Variants in CNDP2 observed in about 807,000 individuals in gnomAD.
CNDP2 encodes cytosolic non-specific dipeptidase.
Under a neutral mutation model 55.0 loss-of-function variants are expected in CNDP2, and 38 were observed. The observed-to-expected ratio is 0.69, with a 90% CI of 0.53 to 0.90. CNDP2 has a LOEUF of 0.90. CNDP2 is among the 40% of genes least tolerant of loss of function. The pLI is 0.00. For missense variants in CNDP2, 607 were observed against 621.7 expected (o/e 0.98, Z 0.25); for synonymous variants, 241 against 260.2 (o/e 0.93, Z 0.71).
chr18:74,510,915 G>T lies in CNDP2; in HGVS notation c.559G>T (p.Asp187Tyr), dbSNP rs376953227. 6.8e-6 allele frequency: 11 copies of T among 1,613,846 alleles called. No homozygotes were observed. Among genetic ancestry groups the T allele is most frequent in the Non-Finnish European group, 9.3e-6 (11 of 1,179,814 alleles). The change falls in exon 6 of 12, where the codon GAT (aspartate) becomes TAT (tyrosine). Residue 187 changes from aspartate (D) to tyrosine (Y), a missense_variant. Asp to Tyr is a radical substitution (Grantham distance 160). Coordinates refer to ENST00000324262, the MANE Select transcript of CNDP2 (RefSeq NM_018235.3). ...IFARKDTFFKDVDYVCISDNY... is the reference protein window; with the variant it reads ...IFARKDTFFKYVDYVCISDNY... ...TGCCCGGAAAGACACATTCTTTAAG[G>T]ATGTGGACTATGTCTGCATTTCTGA...
Position 74,518,779 on chromosome 18 carries a change from C to T in CNDP2, c.1210+139C>T, listed in dbSNP as rs1054682417. 6 of 1,424,626 alleles carry T rather than the reference C, an allele frequency of 4.2e-6. No homozygotes were observed. In the Admixed American group the frequency reaches 8.9e-5, roughly 21 times the overall value. The allele number at this position is 1,424,626 out of a possible 1,614,324, so 88.2% of individuals were successfully genotyped here. On this transcript the variant is annotated intron_variant, in intron 10 of 11. Coordinates refer to ENST00000324262, the MANE Select transcript of CNDP2 (RefSeq NM_018235.3). ...GCGTGTAGTTAAGTCAGCATGAGGA[C>T]AGCTAGTGTGTGGGATGAGCCTGGA... is the stretch of plus-strand genomic sequence containing the variant.
At chr18:74,501,511 A>G in intron 3 of CNDP2, 39 bp downstream of exon 3, 3 of 1,573,032 alleles carry the variant, frequency 1.9e-6, no homozygotes, top group South Asian at 2.3e-5. Context: ...GACCGTAGAC[A>G]GATTCTGCCT....
chr18:74,514,117 T>C (rs1599069498), intron 8 of CNDP2, among the ~76,000 whole-genome samples: 1 of 152,206 alleles, frequency 6.6e-6, no homozygotes, highest in African/African-American at 2.4e-5. Context: ...TCATGACTTT[T>C]CTCTTAATAG....
At chr18:74,505,270 T>C (rs1472519387) in intron 3 of CNDP2, 1 of 152,214 alleles carries the variant, frequency 6.6e-6, no homozygotes, top group Non-Finnish European at 1.5e-5. Context: ...CGTGTTTTGT[T>C]ATATAAAAGT....
At position 74,500,461 on chromosome 18, in the gene CNDP2, G is replaced by A. The variant is rs79879657; in HGVS notation, c.60+428G>A. ...CTAAAATTATACTTTAGAAAATTTG[G>A]CCATTGTCGGGATGATAAATAAGCT... On this transcript the variant is annotated intron_variant, in intron 2 of 11. Coordinates refer to ENST00000324262, the MANE Select transcript of CNDP2 (RefSeq NM_018235.3). Among the ~76,000 whole-genome samples, 402 of 152,280 alleles carry A rather than the reference G, an allele frequency of 2.6e-3. 1 individual carries two copies. Among genetic ancestry groups the A allele is most frequent in the African/African-American group, 8.6e-3 (359 of 41,558 alleles).
rs1351609137 is a variant in CNDP2 at position 74,516,147 on chromosome 18, C to A, written c.904-81C>A. 6 of 1,453,646 alleles carry A rather than the reference C, an allele frequency of 4.1e-6. No individual in the cohort carries two copies. In the African/African-American group the frequency reaches 8.5e-5, roughly 21 times the overall value. 90.0% of individuals were successfully genotyped at this position (1,453,646 alleles called of 1,614,324 possible). A position where few individuals can be genotyped will look rare whatever the true frequency, so the allele number is the denominator to read the frequency against. ...TGTTTCATACCGCTCATTTCCCAGA[C>A]AACATTCCCAGCTCCTCGGTGAGCA... On this transcript the variant is annotated intron_variant, in intron 8 of 11. Coordinates refer to ENST00000324262, the MANE Select transcript of CNDP2 (RefSeq NM_018235.3).
In CNDP2 at chr18:74,518,316, AG is replaced by A. The variant is rs1313780162; in HGVS notation, c.1069-182del. ...TCCTCTTTCCTTACTCTAGTTATGTAGCTCAGTATTAAGCAACAGAAAATGA... is the reference window on the plus strand; with the variant it reads ...TCCTCTTTCCTTACTCTAGTTATGTACTCAGTATTAAGCAACAGAAAATGA... On this transcript the variant is annotated intron_variant, in intron 9 of 11. Coordinates refer to ENST00000324262, the MANE Select transcript of CNDP2 (RefSeq NM_018235.3). The A allele has an allele frequency of 5.3e-6, 3 of 562,278 alleles. No individual in the cohort carries two copies. In the African/African-American group the frequency reaches 5.6e-5, roughly 11 times the overall value. The allele number at this position is 562,278 out of a possible 1,614,324, so 34.8% of individuals were successfully genotyped here. A position where few individuals can be genotyped will look rare whatever the true frequency, so the allele number is the denominator to read the frequency against.
intron 7 of CNDP2, among the ~76,000 whole-genome samples, chr18:74,513,015 C>T (rs1045121906): frequency 2.0e-5 from 3 of 152,238 alleles, no homozygotes; most frequent in Admixed American, 6.5e-5. Context: ...CCTCCCTTCC[C>T]GCACCTTCCA....
rs763278033 is a variant in CNDP2 at position 74,508,942 on chromosome 18, G to T, written c.456+14G>T. ...AAAACAGGCCAGGTATGCCCCCCAC[G>T]CTGACTTCTGCCTGAGTCCTGGGTT... On this transcript the variant is annotated intron_variant, in intron 5 of 11. Coordinates refer to ENST00000324262, the MANE Select transcript of CNDP2 (RefSeq NM_018235.3). 6.2e-7 allele frequency: 1 copy of T among 1,609,594 alleles called. No individual in the cohort carries two copies. The highest frequency in any genetic ancestry group is 8.5e-7 in the Non-Finnish European group (1 of 1,176,538).
chr18:74,512,966 C>T (rs887437618), intron 7 of CNDP2, among the ~76,000 whole-genome samples: 1 of 152,252 alleles, frequency 6.6e-6, no homozygotes, highest in Non-Finnish European at 1.5e-5. Flanking sequence ...GCCCATCGTG[C>T]TGTTCCCGGT....
chr18:74,516,540 C>T lies in CNDP2; in HGVS notation c.1068+148C>T, dbSNP rs1393106753. On this transcript the variant is annotated intron_variant, in intron 9 of 11. Transcript: ENST00000324262. ...GCCAAGTCAGTAATTATGACAGTCA[C>T]GGTTCAGAAGCTAATCAAAGATAAT... is the stretch of plus-strand genomic sequence containing the variant. The T allele has an allele frequency of 4.3e-5, 33 of 773,574 alleles. No individual in the cohort carries two copies. In the East Asian group the frequency reaches 4.7e-4, roughly 11 times the overall value. The allele number at this position is 773,574 out of a possible 1,614,324, so 47.9% of individuals were successfully genotyped here. A position where few individuals can be genotyped will look rare whatever the true frequency, so the allele number is the denominator to read the frequency against.
intron 11 of CNDP2, 92 bp from the exon 12 acceptor site, chr18:74,519,907 G>A: frequency 6.1e-6 from 7 of 1,144,690 alleles, no homozygotes; most frequent in Non-Finnish European, 8.9e-6. Flanking sequence ...CAGGAAGAAG[G>A]CAGAGTGTGT....
chr18:74,501,776 A>G (rs1450720376), intron 3 of CNDP2, among the ~76,000 whole-genome samples: 1 of 152,216 alleles, frequency 6.6e-6, no homozygotes, highest in African/African-American at 2.4e-5. Flanking sequence ...CCAGCAATCC[A>G]TAAGCTTTCA....
In CNDP2 at chr18:74,510,072, C is replaced by T. The variant is rs535235186; in HGVS notation, c.457-741C>T. Among the ~76,000 whole-genome samples the T allele has an allele frequency of 2.0e-5, 3 of 152,346 alleles. No homozygotes were observed. The South Asian group carries it at 6.2e-4, about 32-fold the overall frequency. On this transcript the variant is annotated intron_variant, in intron 5 of 11. Transcript: ENST00000324262. The stretch of plus-strand genomic sequence containing the variant: ...AGCTGCAGTGGAGGCACCTCGGGCT[C>T]TGGGGCAACCAAGTGTGACAGGTGG...
intron 3 of CNDP2, among the ~76,000 whole-genome samples, chr18:74,502,298 G>A (rs540255113): frequency 2.6e-4 from 39 of 152,288 alleles, no homozygotes; most frequent in African/African-American, 8.9e-4. Flanking sequence ...AAGTACTCAC[G>A]TCATCCATAG....
At chr18:74,518,886 G>C (rs949465574) in intron 10 of CNDP2, 63 bp from the exon 11 acceptor site, 1 of 1,604,694 alleles carries the variant, frequency 6.2e-7, no homozygotes, top group African/African-American at 1.3e-5. Flanking sequence ...GTAGTGGTCT[G>C]AGACAGATCC....
intron 8 of CNDP2, among the ~76,000 whole-genome samples, chr18:74,514,156 G>A (rs978506500): frequency 6.6e-6 from 1 of 152,238 alleles, no homozygotes; most frequent in African/African-American, 2.4e-5. Flanking sequence ...ACATATGTAA[G>A]TTCTGCAGGC....
intron 11 of CNDP2, among the ~76,000 whole-genome samples, 197 bp from the exon 12 acceptor site, chr18:74,519,802 G>T (rs963370419): frequency 6.6e-6 from 1 of 152,174 alleles, no homozygotes; most frequent in Non-Finnish European, 1.5e-5. Flanking sequence ...CTCTGGGCTG[G>T]GCAGTCAGAC....
At chr18:74,509,690 T>C (rs1979232453) in intron 5 of CNDP2, 1 of 151,984 alleles carries the variant, frequency 6.6e-6, no homozygotes, top group Non-Finnish European at 1.5e-5. Flanking sequence ...GTTCAAAGTT[T>C]GCTAAAAAAC....
Sources: gnomAD v4.1 joint callset for allele counts (sites outside exome capture counted in the v4.1 genomes callset) on GRCh38, gnomAD v4.1.1 for gene constraint, MANE v1.5 for transcripts, NCBI Gene and HGNC (gene_info 2026-07-23, HGNC 2026-07-21) for gene names.